CRISPLD1: variants seen among roughly 807,000 people sequenced by gnomAD.
The protein encoded by CRISPLD1 is cysteine-rich secretory protein LCCL domain-containing 1.
Under a neutral mutation model 77.5 loss-of-function variants are expected in CRISPLD1, and 60 were observed. The observed-to-expected ratio is 0.77, with a 90% CI of 0.63 to 0.96. CRISPLD1 has a LOEUF of 0.96. Ranked by LOEUF, CRISPLD1 falls within the 40% of genes least tolerant of loss-of-function variation. CRISPLD1 has a pLI of 0.00. For synonymous variants in CRISPLD1, 195 were observed against 200.1 expected (o/e 0.97, Z 0.22); for missense variants, 623 against 615.8 (o/e 1.01, Z -0.12).
intron 5 of CRISPLD1, 54 bp downstream of exon 5, chr8:75,014,156 AT>A: frequency 8.9e-7 from 1 of 1,127,072 alleles, no homozygotes; most frequent in Non-Finnish European, 1.4e-6. Flanking sequence ...CAAAATGAAA[AT>A]ACCTTTACGT....
chr8:75,020,179 TCTAAGCAG>T lies in CRISPLD1; in HGVS notation c.1244+101_1244+108del. On this transcript the variant is annotated intron_variant, in intron 12 of 14. Coordinates refer to ENST00000262207, the MANE Select transcript of CRISPLD1 (RefSeq NM_031461.6). The stretch of plus-strand genomic sequence containing the variant: ...TTCAAAAGTTGTATAATCTTGAACT[TCTAAGCAG>T]GAGGGAGCAATGAAACATCATAAAC... 4.2e-6 allele frequency: 4 copies of T among 943,870 alleles called. No homozygotes were observed. The South Asian group carries it at 5.6e-5, about 13-fold the overall frequency. The allele number at this position is 943,870 out of a possible 1,614,324, so 58.5% of individuals were successfully genotyped here.
intron 2 of CRISPLD1, among the ~76,000 whole-genome samples, chr8:75,001,978 A>G (rs1005594812): frequency 2.6e-5 from 4 of 152,140 alleles, no homozygotes; most frequent in Non-Finnish European, 5.9e-5. Flanking sequence ...AATGTTTTAC[A>G]TATATATGTA....
intron 2 of CRISPLD1, among the ~76,000 whole-genome samples, chr8:75,010,540 C>T: frequency 6.6e-6 from 1 of 152,058 alleles, no homozygotes; most frequent in East Asian, 1.9e-4. Flanking sequence ...GCTCTGTGTT[C>T]TGATTTCTTC....
At chr8:75,002,865 T>A (rs1017470039) in intron 2 of CRISPLD1, among the ~76,000 whole-genome samples, 1 of 152,164 alleles carries the variant, frequency 6.6e-6, no homozygotes. Context: ...AAATGAATAT[T>A]TAACACCATC....
chr8:75,000,646 T>A (rs1164834353), intron 2 of CRISPLD1, among the ~76,000 whole-genome samples: 1 of 152,024 alleles, frequency 6.6e-6, no homozygotes, highest in Non-Finnish European at 1.5e-5. Flanking sequence ...CCATACAGAG[T>A]TAGGTGCCCC....
At chr8:75,001,858 A>G (rs1407544382) in intron 2 of CRISPLD1, among the ~76,000 whole-genome samples, 7 of 152,180 alleles carry the variant, frequency 4.6e-5, no homozygotes, top group Non-Finnish European at 1.0e-4. Context: ...ACTTATGATG[A>G]AACGTTTTAT....
chr8:75,032,422 G>A lies in CRISPLD1; in HGVS notation c.*180G>A. 2 of 423,594 alleles carry A rather than the reference G, an allele frequency of 4.7e-6. No individual in the cohort carries two copies. The highest frequency in any genetic ancestry group is 3.5e-5 in the East Asian group (1 of 28,290). The allele number at this position is 423,594 out of a possible 1,614,324, so 26.2% of individuals were successfully genotyped here. A position where few individuals can be genotyped will look rare whatever the true frequency, so the allele number is the denominator to read the frequency against. ...AAATAAAACATGGGACATTAGCTTTGGGAAAAGTAATGAAAATATAATGGT... is the reference window on the plus strand; with the variant it reads ...AAATAAAACATGGGACATTAGCTTTAGGAAAAGTAATGAAAATATAATGGT... On this transcript the variant is annotated 3_prime_UTR_variant, in exon 15 of 15. Transcript: ENST00000262207.
In CRISPLD1 at chr8:75,025,528, A is replaced by T. The variant is rs190303740; in HGVS notation, c.1245-18A>T. The T allele has an allele frequency of 6.9e-4, 843 of 1,226,766 alleles. 4 individuals are homozygous for T. The African/African-American group carries it at 0.01, about 15-fold the overall frequency. 76.0% of individuals were successfully genotyped at this position (1,226,766 alleles called of 1,614,324 possible). A position where few individuals can be genotyped will look rare whatever the true frequency, so the allele number is the denominator to read the frequency against. ...AACCAGCTTACTTAATATATATATA[A>T]TATATTATTTTTTTCAGAGTATACT... On this transcript the variant is annotated intron_variant, in intron 12 of 14. Transcript: ENST00000262207.
chr8:74,998,946 T>C lies in CRISPLD1; in HGVS notation c.258+12701T>C, dbSNP rs1054606653. Among the ~76,000 whole-genome samples the C allele has an allele frequency of 2.0e-5, 3 of 151,994 alleles. No individual in the cohort carries two copies. The South Asian group carries it at 6.2e-4, about 31-fold the overall frequency. On this transcript the variant is annotated intron_variant, in intron 2 of 14. Transcript: ENST00000262207. ...GTTAGTAACGGATTAACTTTTTAAG[T>C]ATTCAGATGTTAGATAATATGGATC...
At chr8:75,027,016 T>C (rs1813246389) in intron 13 of CRISPLD1, 1 of 152,236 alleles carries the variant, frequency 6.6e-6, no homozygotes, top group South Asian at 2.1e-4. Flanking sequence ...CCACTTTCTC[T>C]GTGAGGGTGC....
intron 6 of CRISPLD1, 35 bp from the exon 7 acceptor site, chr8:75,016,530 G>A: frequency 6.4e-7 from 1 of 1,573,980 alleles, no homozygotes; most frequent in Non-Finnish European, 8.7e-7. Flanking sequence ...ATGTAAAATA[G>A]GGTTAATATT....
chr8:75,003,187 G>T (rs1554532351), intron 2 of CRISPLD1, among the ~76,000 whole-genome samples: 1 of 152,172 alleles, frequency 6.6e-6, no homozygotes, highest in Non-Finnish European at 1.5e-5. Context: ...TAGAGACACT[G>T]AGCAACGTAA....
At position 74,994,998 on chromosome 8, in the gene CRISPLD1, A is replaced by T. The variant is rs192613001; in HGVS notation, c.258+8753A>T. Among the ~76,000 whole-genome samples, 6 of 152,302 alleles carry T rather than the reference A, an allele frequency of 3.9e-5. 1 individual carries two copies. Among genetic ancestry groups the T allele is most frequent in the Admixed American group, 3.9e-4 (6 of 15,292 alleles). ...TCCAAATGAATGTGTCAGGTATGCCATTAGATACAAGGCAGTTAATATATG... is the reference window on the plus strand; with the variant it reads ...TCCAAATGAATGTGTCAGGTATGCCTTTAGATACAAGGCAGTTAATATATG... On this transcript the variant is annotated intron_variant, in intron 2 of 14. Coordinates refer to ENST00000262207, the MANE Select transcript of CRISPLD1 (RefSeq NM_031461.6).
In CRISPLD1 at chr8:75,012,991, G is replaced by A; in HGVS notation, c.479G>A (p.Cys160Tyr). ...TGCAACCCATATTGTCCATTCAGGT[G>A]TTCTGGCCCTGTATGTACACATTAT... ...HECNPYCPFR[C>Y]SGPVCTHYTQ... Residue 160 changes from cysteine (C) to tyrosine (Y), a missense_variant, in exon 4 of 15, where the codon TGT becomes TAT. Cys to Tyr is a radical substitution (Grantham distance 194). Transcript: ENST00000262207. The A allele has an allele frequency of 6.2e-7, 1 of 1,612,250 alleles. No homozygotes were observed. Among genetic ancestry groups the A allele is most frequent in the Non-Finnish European group, 8.5e-7 (1 of 1,178,938 alleles).
chr8:74,986,174 C>A lies in CRISPLD1; in HGVS notation c.187C>A (p.Gln63Lys). The stretch of plus-strand genomic sequence containing the variant: ...AAGGGCCATCACAGACAATGACATG[C>A]AGAGTATTTTGGACCTTCATAATAA... ...GKRAITDNDM[Q>K]SILDLHNKLR... Residue 63 changes from glutamine to lysine, a missense_variant, in exon 2 of 15, where the codon CAG becomes AAG. Coordinates refer to ENST00000262207, the MANE Select transcript of CRISPLD1 (RefSeq NM_031461.6). 3 of 1,614,010 alleles carry A rather than the reference C, an allele frequency of 1.9e-6. No individual in the cohort carries two copies. The highest frequency in any genetic ancestry group is 2.5e-6 in the Non-Finnish European group (3 of 1,179,894).
chr8:74,985,223 C>T (rs1812477365), intron 1 of CRISPLD1, among the ~76,000 whole-genome samples: 2 of 152,108 alleles, frequency 1.3e-5, no homozygotes, highest in Admixed American at 6.6e-5. Flanking sequence ...TGCCGGGGAG[C>T]TGCTGGCTTC....
chr8:75,027,667 T>C (rs1563403851), intron 13 of CRISPLD1, among the ~76,000 whole-genome samples: 1 of 152,200 alleles, frequency 6.6e-6, no homozygotes, highest in Non-Finnish European at 1.5e-5. Context: ...ATCCAATCGT[T>C]AATAGCCAGT....
At chr8:75,015,366 T>A (rs963075617) in intron 6 of CRISPLD1, among the ~76,000 whole-genome samples, 14 of 152,292 alleles carry the variant, frequency 9.2e-5, no homozygotes, top group Admixed American at 5.9e-4. Context: ...CACTTCTCAC[T>A]GCACACTATT....
At chr8:75,009,000 T>G (rs1812882807) in intron 2 of CRISPLD1, among the ~76,000 whole-genome samples, 1 of 152,196 alleles carries the variant, frequency 6.6e-6, no homozygotes, top group Non-Finnish European at 1.5e-5. Flanking sequence ...GTATATCTTT[T>G]CTAAAAAGGA....
Sources: allele counts gnomAD v4.1 joint callset (sites outside exome capture counted in the v4.1 genomes callset), GRCh38; gene constraint gnomAD v4.1.1; transcripts MANE v1.5; gene names NCBI Gene and HGNC (gene_info 2026-07-23, HGNC 2026-07-21).